Variants in PHEX observed in about 807,000 individuals in gnomAD.
PHEX encodes the protein phosphate regulating endopeptidase X-linked, also known as phosphate-regulating neutral endopeptidase PHEX.
Under a neutral mutation model 68.0 loss-of-function variants are expected in PHEX, and 16 were observed. The observed-to-expected ratio is 0.24, with a 90% CI of 0.16 to 0.36. The LOEUF (loss-of-function observed/expected upper bound fraction) is 0.36. Among genes scored for constraint, PHEX ranks in the 10% least tolerant of loss-of-function variants. The pLI is 1.00. For missense variants in PHEX, 480 were observed against 575.5 expected, an observed-to-expected ratio of 0.83 and a Z score of 1.70; for synonymous variants, 208 against 205.1, an observed-to-expected ratio of 1.01 and a Z score of -0.12.
chrX:22,168,746 T>C (rs1452789429), intron 13 of PHEX, among the ~76,000 whole-genome samples: 1 of 112,360 alleles, frequency 8.9e-6, no homozygotes, highest in Non-Finnish European at 1.9e-5. Context: ...ATACTTTTTA[T>C]TTGCTTCATT....
In PHEX at chrX:22,080,644, C is replaced by T. The variant is rs186426683; in HGVS notation, c.663+2942C>T. Among the ~76,000 whole-genome samples the T allele has an allele frequency of 1.0e-3, 113 of 110,816 alleles. 2 individuals are homozygous for T. The East Asian group carries it at 0.028, about 28-fold the overall frequency. ...TAGTTAAAACTATAAAAGACAAAAT[C>T]TAATTGGATGAACATTTGAAGCCCC... On this transcript the variant is annotated intron_variant, in intron 5 of 21. Coordinates refer to ENST00000379374, the MANE Select transcript of PHEX (RefSeq NM_000444.6).
chrX:22,082,959 A>G (rs1929460162), intron 5 of PHEX, among the ~76,000 whole-genome samples: 1 of 112,100 alleles, frequency 8.9e-6, no homozygotes, highest in Non-Finnish European at 1.9e-5. Context: ...TTCAAACTAT[A>G]GTATAAGGCT....
At position 22,249,452 on chromosome X, in the gene PHEX, AAAAATATAT is replaced by A. The variant is rs1293001303; in HGVS notation, c.*1501_*1509del. ...GATTTGTGATTCTTTTAAAAAAAAA[AAAAATATAT>A]ATATATATATATATATATATATATA... is the stretch of plus-strand genomic sequence containing the variant. On this transcript the variant is annotated 3_prime_UTR_variant, in exon 22 of 22. Transcript: ENST00000379374. The A allele has an allele frequency of 9.4e-4, 38 of 40,613 alleles. 1 individual carries two copies. The highest frequency in any genetic ancestry group is 3.8e-3 in the African/African-American group (34 of 8,856). 3.3% of individuals were successfully genotyped at this position (40,613 alleles called of 1,213,427 possible). A position where few individuals can be genotyped will look rare whatever the true frequency, so the allele number is the denominator to read the frequency against.
intron 11 of PHEX, among the ~76,000 whole-genome samples, chrX:22,118,073 A>C (rs1314220964): frequency 3.6e-5 from 4 of 111,882 alleles, no homozygotes; most frequent in African/African-American, 1.3e-4. Flanking sequence ...TTACCAAAAA[A>C]GTTTGTTAAG....
intron 13 of PHEX, among the ~76,000 whole-genome samples, chrX:22,176,401 AAATATATATATATAT>A (rs1195130353): frequency 2.8e-4 from 17 of 59,986 alleles, no homozygotes; most frequent in African/African-American, 2.1e-3. Flanking sequence ...AAAAAAAAAA[AAATATATATATATAT>A]ATATATATAT....
chrX:22,249,455 A>AAAAAAAATATATATAT lies in PHEX; in HGVS notation c.*1503_*1504insAAAAAATATATATATA. 3.0e-4 allele frequency: 12 copies of AAAAAAAATATATATAT among 39,762 alleles called. No homozygotes were observed. Among genetic ancestry groups the AAAAAAAATATATATAT allele is most frequent in the Non-Finnish European group, 3.7e-4 (9 of 24,474 alleles). The allele number at this position is 39,762 out of a possible 1,213,427, so 3.3% of individuals were successfully genotyped here. ...TTGTGATTCTTTTAAAAAAAAAAAA[A>AAAAAAAATATATATAT]ATATATATATATATATATATATATA... On this transcript the variant is annotated 3_prime_UTR_variant, in exon 22 of 22. Transcript: ENST00000379374.
intron 20 of PHEX, among the ~76,000 whole-genome samples, chrX:22,228,242 T>A (rs1330217923): frequency 8.9e-6 from 1 of 112,208 alleles, no homozygotes; most frequent in African/African-American, 3.3e-5. Context: ...GCTATTATAC[T>A]GGTTTATGTC....
intron 5 of PHEX, among the ~76,000 whole-genome samples, chrX:22,084,904 G>A (rs1042943653): frequency 1.8e-5 from 2 of 109,034 alleles, no homozygotes; most frequent in African/African-American, 6.6e-5. Context: ...TGTTAGTCTA[G>A]CTAAAGATTT....
chrX:22,171,079 T>C (rs1358540921), intron 13 of PHEX: 2 of 112,199 alleles, frequency 1.8e-5, no homozygotes, highest in Non-Finnish European at 3.8e-5. Flanking sequence ...AAACCGATTG[T>C]TTTAGTCAAT....
At chrX:22,224,969 A>ATTATCATACAGCGCTGTATGC (rs1935412771) in intron 18 of PHEX, among the ~76,000 whole-genome samples, 1 of 113,282 alleles carries the variant, frequency 8.8e-6, no homozygotes, top group Non-Finnish European at 1.9e-5. Context: ...GCGCTGTATG[A>ATTATCATACAGCGCTGTATGC]TTTATTATCA....
chrX:22,222,420 G>GTTAC (rs1045722640), intron 18 of PHEX, among the ~76,000 whole-genome samples: 3 of 111,808 alleles, frequency 2.7e-5, no homozygotes, highest in African/African-American at 6.5e-5. Flanking sequence ...ACTTGGGCAA[G>GTTAC]TTACTTAATG....
intron 15 of PHEX, among the ~76,000 whole-genome samples, chrX:22,192,961 C>T (rs749297038): frequency 2.5e-4 from 28 of 110,785 alleles, no homozygotes; most frequent in Non-Finnish European, 4.5e-4. Flanking sequence ...AGACGAAAGA[C>T]AAGCAGATGG....
intron 2 of PHEX, among the ~76,000 whole-genome samples, chrX:22,042,013 T>G (rs977298099): frequency 9.0e-6 from 1 of 111,349 alleles, no homozygotes; most frequent in African/African-American, 3.3e-5. Flanking sequence ...AAGACCCAGT[T>G]CTCTTTAGTG....
At chrX:22,181,116 C>T (rs1281012396) in intron 14 of PHEX, among the ~76,000 whole-genome samples, 1 of 111,560 alleles carries the variant, frequency 9.0e-6, no homozygotes, top group Non-Finnish European at 1.9e-5. Flanking sequence ...TAGGTATATA[C>T]CCAGCAGTGG....
At chrX:22,152,130 G>A (rs1392403612) in intron 12 of PHEX, among the ~76,000 whole-genome samples, 1 of 111,637 alleles carries the variant, frequency 9.0e-6, no homozygotes, top group Non-Finnish European at 1.9e-5. Flanking sequence ...GTCAGATTAA[G>A]GCTAAATTAA....
intron 17 of PHEX, among the ~76,000 whole-genome samples, chrX:22,219,774 A>C (rs1367811896): frequency 9.0e-6 from 1 of 110,770 alleles, no homozygotes; most frequent in Non-Finnish European, 1.9e-5. Context: ...ACGTGCCACT[A>C]TGCCCAGCTA....
chrX:22,167,208 AG>A (rs1449309118), intron 12 of PHEX, among the ~76,000 whole-genome samples: 1 of 111,014 alleles, frequency 9.0e-6, no homozygotes, highest in Non-Finnish European at 1.9e-5. Context: ...TAATTTTTAG[AG>A]GAACCTCCAT....
At chrX:22,055,447 A>C (rs1928056941) in intron 3 of PHEX, among the ~76,000 whole-genome samples, 1 of 111,421 alleles carries the variant, frequency 9.0e-6, no homozygotes, top group Non-Finnish European at 1.9e-5. Context: ...GAAGATGTGA[A>C]TGTATCTCTA....
intron 20 of PHEX, among the ~76,000 whole-genome samples, chrX:22,228,279 G>T: frequency 9.2e-6 from 1 of 109,068 alleles, no homozygotes; most frequent in Non-Finnish European, 1.9e-5. Context: ...CCTTTTCAAA[G>T]AAGTCAGGGA....
Sources: allele counts gnomAD v4.1 joint callset (sites outside exome capture counted in the v4.1 genomes callset), GRCh38; gene constraint gnomAD v4.1.1; transcripts MANE v1.5; gene names NCBI Gene and HGNC (gene_info 2026-07-23, HGNC 2026-07-21).